Variants in ZNG1E observed in about 807,000 individuals in gnomAD.
ZNG1E encodes the protein Zn regulated GTPase metalloprotein activator 1E, also known as zinc-regulated GTPase metalloprotein activator 1E.
the ZNG1E span, among the ~76,000 whole-genome samples, chr9:65,697,397 C>T: frequency 1.2e-5 from 1 of 81,094 alleles, no homozygotes; most frequent in South Asian, 5.7e-4. Context: ...AAAAAAAGTC[C>T]CTGTGATTGT....
At chr9:65,665,240 C>T in the ZNG1E span, among the ~76,000 whole-genome samples, 1 of 152,284 alleles carries the variant, frequency 6.6e-6, no homozygotes, top group Admixed American at 6.5e-5. Flanking sequence ...CATCACAGGC[C>T]CAGAGGTTTA....
At chr9:65,722,697 A>ATTTTTTTTTTTTTTTTT in the ZNG1E span, among the ~76,000 whole-genome samples, 52 of 8,406 alleles carry the variant, frequency 6.2e-3, 9 homozygotes, top group African/African-American at 0.01. Context: ...TGCCTAGCTA[A>ATTTTTTTTTTTTTTTTT]TTTTTTTTTT....
chr9:65,654,142 A>T, the ZNG1E span, among the ~76,000 whole-genome samples: 1 of 151,600 alleles, frequency 6.6e-6, no homozygotes, highest in Admixed American at 6.6e-5. Context: ...TGCTATTCTC[A>T]TGATAGTGAG....
At chr9:65,674,039 C>T in the ZNG1E span, among the ~76,000 whole-genome samples, 17 of 152,150 alleles carry the variant, frequency 1.1e-4, no homozygotes, top group East Asian at 5.8e-4. Flanking sequence ...ATTCCTGAAA[C>T]GAAAAAGCTT....
At chr9:65,660,494 A>G in the ZNG1E span, among the ~76,000 whole-genome samples, 529 of 150,810 alleles carry the variant, frequency 3.5e-3, 1 homozygote, top group African/African-American at 0.012. Context: ...TCTAACCAAA[A>G]TTAAACGTTG....
At chr9:65,662,574 T>A in the ZNG1E span, among the ~76,000 whole-genome samples, 1 of 151,920 alleles carries the variant, frequency 6.6e-6, no homozygotes, top group Non-Finnish European at 1.5e-5. Context: ...GTTAGAAAAT[T>A]AAAAGGAAGT....
chr9:65,691,271 C>A, the ZNG1E span, among the ~76,000 whole-genome samples: 1 of 149,838 alleles, frequency 6.7e-6, no homozygotes, highest in Non-Finnish European at 1.5e-5. Flanking sequence ...TTAGTAGAGA[C>A]GGGGTTTCGC....
At chr9:65,706,463 C>CT in the ZNG1E span, 92 of 79,338 alleles carry the variant, frequency 1.2e-3, no homozygotes, top group African/African-American at 5.4e-3. Flanking sequence ...TCTTTTTTTT[C>CT]TTTTTTTTTT....
the ZNG1E span, among the ~76,000 whole-genome samples, chr9:65,693,207 A>G: frequency 6.6e-6 from 1 of 152,280 alleles, no homozygotes; most frequent in East Asian, 1.9e-4. Flanking sequence ...GGCATCTTGC[A>G]TCGCTTCTTG....
the ZNG1E span, among the ~76,000 whole-genome samples, chr9:65,709,951 C>T: frequency 2.6e-5 from 4 of 151,394 alleles, no homozygotes; most frequent in Non-Finnish European, 5.9e-5. Flanking sequence ...AATGGTTGAA[C>T]TAGTTTACAG....
the ZNG1E span, chr9:65,703,556 T>A: frequency 5.2e-6 from 5 of 964,572 alleles, no homozygotes; most frequent in Non-Finnish European, 6.1e-6. Context: ...TTTCAGAAAA[T>A]TTCTGTGCAG....
chr9:65,690,874 G>C, the ZNG1E span: 1 of 1,527,462 alleles, frequency 6.5e-7, no homozygotes, highest in African/African-American at 1.4e-5. Flanking sequence ...GTGTTTACCT[G>C]TTAATTTTAT....
the ZNG1E span, chr9:65,719,960 T>G: frequency 1.7e-5 from 26 of 1,560,316 alleles, 1 homozygote; most frequent in Middle Eastern, 2.3e-4. Flanking sequence ...GGAAAGTCAC[T>G]TCATTATCCT....
chr9:65,667,011 C>T, the ZNG1E span, among the ~76,000 whole-genome samples: 51 of 152,198 alleles, frequency 3.4e-4, no homozygotes, highest in East Asian at 2.7e-3. Flanking sequence ...AGTAGGGACA[C>T]GGTTTCACCA....
the ZNG1E span, among the ~76,000 whole-genome samples, chr9:65,667,022 T>C: frequency 6.6e-6 from 1 of 152,230 alleles, no homozygotes; most frequent in African/African-American, 2.4e-5. Context: ...GGTTTCACCA[T>C]GTCGGTCAGG....
chr9:65,657,608 A>G, the ZNG1E span, among the ~76,000 whole-genome samples: 1 of 152,200 alleles, frequency 6.6e-6, no homozygotes, highest in Non-Finnish European at 1.5e-5. Flanking sequence ...GTTAATGAGT[A>G]CAAAAATATA....
chr9:65,699,035 C>T, the ZNG1E span, among the ~76,000 whole-genome samples: 6,360 of 94,170 alleles, frequency 0.068, 8 homozygotes, highest in African/African-American at 0.14. Flanking sequence ...TACAGGCACC[C>T]GCCACCATGC....
chr9:65,691,820 CTA>C, the ZNG1E span, among the ~76,000 whole-genome samples: 2 of 150,444 alleles, frequency 1.3e-5, no homozygotes, highest in South Asian at 4.3e-4. Flanking sequence ...AGTTAAGCGA[CTA>C]TGTTTTCTCC....
the ZNG1E span, among the ~76,000 whole-genome samples, chr9:65,678,386 T>C: frequency 7.0e-6 from 1 of 142,164 alleles, no homozygotes; most frequent in African/African-American, 2.7e-5. Flanking sequence ...TAAAAGATAT[T>C]AATACCCTAA....
Sources: gnomAD v4.1 joint callset for allele counts (sites outside exome capture counted in the v4.1 genomes callset) on GRCh38, gnomAD v4.1.1 for gene constraint, MANE v1.5 for transcripts, NCBI Gene and HGNC (gene_info 2026-07-23, HGNC 2026-07-21) for gene names.